Variants in HSD17B12 observed in about 807,000 individuals in gnomAD.
The protein encoded by HSD17B12 is hydroxysteroid 17-beta dehydrogenase 12.
HSD17B12 carries 32 observed loss-of-function variants against 39.3 expected under a neutral mutation model. The ratio of observed to expected loss-of-function variants is 0.81; its 90% CI spans 0.61 to 1.09. The LOEUF is 1.09. Ranked by LOEUF, HSD17B12 falls within the 50% of genes least tolerant of loss-of-function variation. HSD17B12 has a pLI of 0.00. For missense variants in HSD17B12, 342 were observed against 382.9 expected, an observed-to-expected ratio of 0.89 and a Z score of 0.89; for synonymous variants, 150 against 146.7, an observed-to-expected ratio of 1.02 and a Z score of -0.16.
At chr11:43,757,164 C>T (rs1950513774) in intron 3 of HSD17B12, among the ~76,000 whole-genome samples, 1 of 152,052 alleles carries the variant, frequency 6.6e-6, no homozygotes, top group South Asian at 2.1e-4. Flanking sequence ...GAAAGAAGGA[C>T]CAGTATTTAA....
At chr11:43,759,407 A>T (rs1450785972) in intron 3 of HSD17B12, among the ~76,000 whole-genome samples, 1 of 152,178 alleles carries the variant, frequency 6.6e-6, no homozygotes, top group Non-Finnish European at 1.5e-5. Flanking sequence ...GCTTTGATGA[A>T]ATTACAGTTC....
At chr11:43,664,816 G>A in the HSD17B12 span, among the ~76,000 whole-genome samples, 10 of 152,244 alleles carry the variant, frequency 6.6e-5, no homozygotes, top group East Asian at 1.9e-4. Flanking sequence ...TTCTAGTAAC[G>A]GAGTTTTTAA....
At chr11:43,595,201 G>A in the HSD17B12 span, among the ~76,000 whole-genome samples, 13 of 152,210 alleles carry the variant, frequency 8.5e-5, no homozygotes, top group South Asian at 2.1e-4. Context: ...GGTAGGCTCC[G>A]CCGACCTCAA....
chr11:43,627,087 A>G, the HSD17B12 span, among the ~76,000 whole-genome samples: 14 of 151,976 alleles, frequency 9.2e-5, no homozygotes, highest in African/African-American at 3.1e-4. Context: ...ATTTTTTAAA[A>G]TTTTCATCTA....
chr11:43,611,091 T>C, the HSD17B12 span, among the ~76,000 whole-genome samples: 2 of 152,218 alleles, frequency 1.3e-5, no homozygotes, highest in East Asian at 3.8e-4. Flanking sequence ...TGGTATATAG[T>C]ATGTCAAACC....
intron 3 of HSD17B12, among the ~76,000 whole-genome samples, chr11:43,795,519 C>T (rs1248316394): frequency 6.6e-5 from 10 of 152,200 alleles, no homozygotes; most frequent in Non-Finnish European, 4.4e-5. Context: ...TGGTCAATAG[C>T]ATGCATGTAC....
At chr11:43,717,158 A>G (rs930890329) in intron 1 of HSD17B12, among the ~76,000 whole-genome samples, 7 of 152,172 alleles carry the variant, frequency 4.6e-5, no homozygotes, top group African/African-American at 1.7e-4. Flanking sequence ...CTAATAAGAA[A>G]TCATCTTACT....
At chr11:43,713,184 G>T (rs1950085982) in intron 1 of HSD17B12, among the ~76,000 whole-genome samples, 1 of 152,108 alleles carries the variant, frequency 6.6e-6, no homozygotes, top group Non-Finnish European at 1.5e-5. Flanking sequence ...CAACGTGCAG[G>T]TTTGTTGCAT....
At position 43,775,904 on chromosome 11, in the gene HSD17B12, C is replaced by T. The variant is rs544121473; in HGVS notation, c.283+21783C>T. Among the ~76,000 whole-genome samples, 68 of 151,922 alleles carry T rather than the reference C, an allele frequency of 4.5e-4. 1 individual carries two copies. Among genetic ancestry groups the T allele is most frequent in the African/African-American group, 1.5e-3 (63 of 41,384 alleles). On this transcript the variant is annotated intron_variant, in intron 3 of 10. Coordinates refer to ENST00000278353, the MANE Select transcript of HSD17B12 (RefSeq NM_016142.3). ...ATAGTTTACTGAGAATGATGATTTC[C>T]AATTTCATCCATGTCCCTACGAAGG...
intron 9 of HSD17B12, among the ~76,000 whole-genome samples, chr11:43,849,212 G>A (rs1008179475): frequency 4.6e-5 from 7 of 152,168 alleles, no homozygotes; most frequent in African/African-American, 1.7e-4. Flanking sequence ...GGCTGAGGTG[G>A]GAGGATGGCT....
chr11:43,599,221 C>G, the HSD17B12 span, among the ~76,000 whole-genome samples: 1 of 151,966 alleles, frequency 6.6e-6, no homozygotes, highest in East Asian at 1.9e-4. Flanking sequence ...TGATTTTTTT[C>G]CTAACGTTCT....
the HSD17B12 span, among the ~76,000 whole-genome samples, chr11:43,671,021 T>C: frequency 2.6e-5 from 4 of 152,072 alleles, no homozygotes; most frequent in Non-Finnish European, 5.9e-5. Context: ...TATTGCCAAA[T>C]TAAGGATTCA....
At chr11:43,564,875 G>A in the HSD17B12 span, among the ~76,000 whole-genome samples, 3 of 148,968 alleles carry the variant, frequency 2.0e-5, no homozygotes, top group South Asian at 2.2e-4. Context: ...AGGACAGGCA[G>A]AACGGGTTGA....
intron 6 of HSD17B12, among the ~76,000 whole-genome samples, chr11:43,824,034 A>C (rs1240110033): frequency 6.9e-6 from 1 of 145,078 alleles, no homozygotes; most frequent in African/African-American, 2.6e-5. Context: ...CAAAGTTAGG[A>C]AATTTTACAC....
At chr11:43,796,010 A>G (rs1950912860) in intron 3 of HSD17B12, among the ~76,000 whole-genome samples, 1 of 152,136 alleles carries the variant, frequency 6.6e-6, no homozygotes, top group Non-Finnish European at 1.5e-5. Flanking sequence ...GATGTGGAAG[A>G]GCATTCCAAA....
intron 4 of HSD17B12, among the ~76,000 whole-genome samples, chr11:43,810,367 T>TTTATATATATATATA (rs1181869252): frequency 1.7e-5 from 1 of 59,700 alleles, no homozygotes; most frequent in African/African-American, 6.5e-5. Context: ...AATTTAGAAA[T>TTTATATATATATATA]TATATATATA....
the HSD17B12 span, among the ~76,000 whole-genome samples, chr11:43,643,869 TGA>T: frequency 6.6e-6 from 1 of 152,058 alleles, no homozygotes. Flanking sequence ...TGTTGGAAAA[TGA>T]TAAAGTCGAA....
intron 10 of HSD17B12, 22 bp from the exon 11 acceptor site, chr11:43,855,122 C>G: frequency 6.8e-7 from 1 of 1,464,696 alleles, no homozygotes; most frequent in Non-Finnish European, 9.5e-7. Flanking sequence ...AATTACATAT[C>G]TCTCTCATTC....
chr11:43,698,675 A>G (rs1332822664), intron 1 of HSD17B12, among the ~76,000 whole-genome samples: 9 of 152,182 alleles, frequency 5.9e-5, no homozygotes. Flanking sequence ...AAAAATCCCC[A>G]CTTTGTCTAA....
Sources: allele counts gnomAD v4.1 joint callset (sites outside exome capture counted in the v4.1 genomes callset), GRCh38; gene constraint gnomAD v4.1.1; transcripts MANE v1.5; gene names NCBI Gene and HGNC (gene_info 2026-07-23, HGNC 2026-07-21).